CSGALNACT1: variants seen among roughly 807,000 people sequenced by gnomAD.
The protein encoded by CSGALNACT1 is chondroitin sulfate N-acetylgalactosaminyltransferase 1.
A neutral mutation model predicts 51.0 loss-of-function variants in CSGALNACT1; 52 were observed. The ratio of observed to expected loss-of-function variants is 1.02; its 90% confidence interval spans 0.82 to 1.29. The LOEUF (loss-of-function observed/expected upper bound fraction) is 1.29. Ranked by LOEUF, CSGALNACT1 falls within the 50% of genes most tolerant of loss-of-function variation. The probability of loss-of-function intolerance (pLI) is 0.00; values close to 1 mark genes in which losing one functional copy is unlikely to be tolerated. For synonymous variants in CSGALNACT1, 341 were observed against 254.4 expected (o/e 1.34, Z -3.24); for missense variants, 935 against 679.2 (o/e 1.38, Z -4.19).
chr8:19,558,700 A>G (rs2040028514), intron 3 of CSGALNACT1, among the ~76,000 whole-genome samples: 1 of 152,148 alleles, frequency 6.6e-6, no homozygotes, highest in Non-Finnish European at 1.5e-5. Context: ...TTAAACTATT[A>G]GTGTCATGGG....
intron 1 of CSGALNACT1, among the ~76,000 whole-genome samples, chr8:19,635,120 A>G (rs1170242596): frequency 6.6e-6 from 1 of 152,110 alleles, no homozygotes; most frequent in Non-Finnish European, 1.5e-5. Context: ...AGATCTGTTT[A>G]CCTCCTCCTT....
At chr8:19,466,526 A>G (rs926820031) in intron 4 of CSGALNACT1, among the ~76,000 whole-genome samples, 1 of 152,198 alleles carries the variant, frequency 6.6e-6, no homozygotes, top group Non-Finnish European at 1.5e-5. Context: ...TTTTTATACT[A>G]TTTTGTTGTC....
intron 3 of CSGALNACT1, among the ~76,000 whole-genome samples, chr8:19,517,271 T>C (rs1193004709): frequency 2.0e-5 from 3 of 151,880 alleles, no homozygotes; most frequent in African/African-American, 4.8e-5. Context: ...AGAAAAACCA[T>C]CTCTACTAAA....
At chr8:19,568,838 A>C (rs1249597463) in intron 3 of CSGALNACT1, among the ~76,000 whole-genome samples, 1 of 152,196 alleles carries the variant, frequency 6.6e-6, no homozygotes, top group Non-Finnish European at 1.5e-5. Flanking sequence ...GGTAGAATAG[A>C]CAGCTTTTTA....
At chr8:19,614,111 A>C (rs902682686) in intron 1 of CSGALNACT1, among the ~76,000 whole-genome samples, 2 of 152,200 alleles carry the variant, frequency 1.3e-5, no homozygotes, top group African/African-American at 4.8e-5. Context: ...GAAATCTGTC[A>C]CATTTGTGTA....
At chr8:19,552,336 G>A (rs2088342553) in intron 3 of CSGALNACT1, among the ~76,000 whole-genome samples, 1 of 152,172 alleles carries the variant, frequency 6.6e-6, no homozygotes, top group African/African-American at 2.4e-5. Context: ...ATTACCAGAA[G>A]AGGGTGTAGA....
chr8:19,732,928 T>C (rs1271424472), intron 1 of CSGALNACT1, among the ~76,000 whole-genome samples: 1 of 152,216 alleles, frequency 6.6e-6, no homozygotes, highest in African/African-American at 2.4e-5. Context: ...AAGTAGAACA[T>C]GTCAATGTCT....
At chr8:19,492,121 T>C (rs980489881) in intron 4 of CSGALNACT1, among the ~76,000 whole-genome samples, 2 of 152,244 alleles carry the variant, frequency 1.3e-5, no homozygotes, top group African/African-American at 4.8e-5. Context: ...GTGAGAATCC[T>C]TTGGAAAATG....
At chr8:19,564,301 G>C (rs2154100745) in intron 3 of CSGALNACT1, among the ~76,000 whole-genome samples, 1 of 151,988 alleles carries the variant, frequency 6.6e-6, no homozygotes, top group Non-Finnish European at 1.5e-5. Context: ...GAATCCCTCT[G>C]GGCACAAAAC....
At chr8:19,591,339 G>C (rs2047776231) in intron 2 of CSGALNACT1, 1 of 152,304 alleles carries the variant, frequency 6.6e-6, no homozygotes. Context: ...CAGTCTATAA[G>C]CTAAAGACCA....
chr8:19,592,654 T>C (rs1421867109), intron 2 of CSGALNACT1, among the ~76,000 whole-genome samples: 2 of 152,064 alleles, frequency 1.3e-5, no homozygotes, highest in Non-Finnish European at 1.5e-5. Context: ...CTTAGGAGGC[T>C]AGGGTGGGAG....
chr8:19,475,018 C>T (rs1271431723), intron 4 of CSGALNACT1, among the ~76,000 whole-genome samples: 3 of 152,038 alleles, frequency 2.0e-5, no homozygotes, highest in Admixed American at 1.3e-4. Context: ...GCTATAACAC[C>T]GTGGTCAGGG....
intron 3 of CSGALNACT1, among the ~76,000 whole-genome samples, chr8:19,517,186 C>G (rs1159087403): frequency 6.6e-6 from 1 of 152,116 alleles, no homozygotes; most frequent in Non-Finnish European, 1.5e-5. Context: ...ATCTGTAATC[C>G]CAGCACTTTG....
chr8:19,439,278 T>C (rs944407308), intron 6 of CSGALNACT1, among the ~76,000 whole-genome samples: 10 of 152,256 alleles, frequency 6.6e-5, no homozygotes, highest in Non-Finnish European at 1.0e-4. Flanking sequence ...GGTTAAATAA[T>C]TTGTACTCAA....
At chr8:19,649,878 G>C (rs1309332254) in intron 1 of CSGALNACT1, among the ~76,000 whole-genome samples, 2 of 116,556 alleles carry the variant, frequency 1.7e-5, no homozygotes, top group Non-Finnish European at 3.3e-5. Context: ...TCTCTTAATT[G>C]TAAGCTCTAA....
At chr8:19,699,265 G>A (rs2061737051) in intron 1 of CSGALNACT1, among the ~76,000 whole-genome samples, 1 of 152,148 alleles carries the variant, frequency 6.6e-6, no homozygotes. Flanking sequence ...TGAATCCACA[G>A]ATGCAGAACC....
chr8:19,420,239 T>C (rs910579069), intron 7 of CSGALNACT1, 101 bp downstream of exon 6: 21 of 1,088,502 alleles, frequency 1.9e-5, no homozygotes, highest in Non-Finnish European at 3.0e-5. Flanking sequence ...AACAGGCTGA[T>C]TCAGAAGCAG....
intron 4 of CSGALNACT1, among the ~76,000 whole-genome samples, chr8:19,482,313 G>A (rs1004592897): frequency 1.3e-5 from 2 of 152,184 alleles, no homozygotes; most frequent in Admixed American, 6.5e-5. Flanking sequence ...TTTAAAATAA[G>A]CACATGCAGG....
chr8:19,581,525 T>A (rs1239984846), intron 3 of CSGALNACT1, among the ~76,000 whole-genome samples: 3 of 152,184 alleles, frequency 2.0e-5, no homozygotes, highest in Non-Finnish European at 2.9e-5. Flanking sequence ...GAGAATCGCT[T>A]GAACCAGGGA....
Sources: gnomAD v4.1 joint callset for allele counts (sites outside exome capture counted in the v4.1 genomes callset) on GRCh38, gnomAD v4.1.1 for gene constraint, MANE v1.5 for transcripts, NCBI Gene and HGNC (gene_info 2026-07-23, HGNC 2026-07-21) for gene names.